Variants in LRP1B observed in about 807,000 individuals in gnomAD.
LRP1B encodes LDL receptor related protein 1B.
In LRP1B, 217 loss-of-function variants were observed where a neutral mutation model predicts 556.6. The ratio of observed to expected loss-of-function variants is 0.39; its 90% CI spans 0.35 to 0.44. The LOEUF is 0.44. Ranked by LOEUF, LRP1B falls within the 20% of genes least tolerant of loss-of-function variation. The pLI, the probability that LRP1B is intolerant of heterozygous loss-of-function variation, is 1.00. For missense variants in LRP1B, 5,053 were observed against 5,620.8 expected (o/e 0.90, Z 3.23); for synonymous variants, 2,047 against 1,865.8 (o/e 1.10, Z -2.50).
chr2:140,532,397 G>GT (rs869109898), intron 47 of LRP1B, among the ~76,000 whole-genome samples: 78 of 150,332 alleles, frequency 5.2e-4, no homozygotes, highest in African/African-American at 1.9e-3. Context: ...GTTTGTTTTG[G>GT]TTTTTTTGGG....
rs186797203 is a variant in LRP1B, at chr2:140,378,611, G to T, written c.10532-325C>A. Among the ~76,000 whole-genome samples the T allele has an allele frequency of 4.6e-5, 7 of 152,188 alleles. No individual in the cohort carries two copies. The East Asian group carries it at 1.4e-3, about 29-fold the overall frequency. ...ACTGTAACAATGATCTTTTTTAGTT[G>T]CTGGAGTTCTATGTCATTTTATGTA... On this transcript the variant is annotated intron_variant, in intron 67 of 90. Coordinates refer to ENST00000389484, the MANE Select transcript of LRP1B (RefSeq NM_018557.3).
intron 2 of LRP1B, among the ~76,000 whole-genome samples, chr2:141,494,534 G>A (rs1683447386): frequency 6.6e-6 from 1 of 151,722 alleles, no homozygotes; most frequent in Admixed American, 6.6e-5. Context: ...TTAGGCTGGT[G>A]TAAAAGTAAT....
intron 41 of LRP1B, among the ~76,000 whole-genome samples, chr2:140,637,405 G>A (rs970077560): frequency 6.6e-6 from 1 of 152,022 alleles, no homozygotes; most frequent in African/African-American, 2.4e-5. Flanking sequence ...GAGGTCTTGG[G>A]GTGTACATAA....
At chr2:141,927,514 C>T (rs952082431) in intron 1 of LRP1B, among the ~76,000 whole-genome samples, 1 of 152,056 alleles carries the variant, frequency 6.6e-6, no homozygotes, top group African/African-American at 2.4e-5. Context: ...ATTGATTTTG[C>T]TACTCATGAG....
At chr2:141,646,570 G>T (rs1228431687) in intron 2 of LRP1B, among the ~76,000 whole-genome samples, 1 of 152,038 alleles carries the variant, frequency 6.6e-6, no homozygotes, top group African/African-American at 2.4e-5. Flanking sequence ...TGCTCATTGG[G>T]TGTATAGCAA....
intron 1 of LRP1B, among the ~76,000 whole-genome samples, chr2:142,025,891 T>C (rs1032043265): frequency 6.6e-6 from 1 of 152,110 alleles, no homozygotes; most frequent in Non-Finnish European, 1.5e-5. Context: ...ATTACAATGA[T>C]AACAAGGATG....
intron 3 of LRP1B, among the ~76,000 whole-genome samples, chr2:141,289,275 G>A (rs913921116): frequency 2.0e-5 from 3 of 150,984 alleles, no homozygotes; most frequent in Non-Finnish European, 4.4e-5. Flanking sequence ...CCAGCTACTG[G>A]GGAGGCTGAG....
intron 7 of LRP1B, among the ~76,000 whole-genome samples, chr2:141,099,620 C>T (rs1700410670): frequency 1.3e-5 from 2 of 152,214 alleles, no homozygotes; most frequent in South Asian, 4.1e-4. Flanking sequence ...TCTACATGCA[C>T]ATATACACAT....
chr2:140,294,721 G>A (rs1384724148), intron 84 of LRP1B, among the ~76,000 whole-genome samples: 1 of 152,092 alleles, frequency 6.6e-6, no homozygotes, highest in Non-Finnish European at 1.5e-5. Context: ...TCATTTGCAT[G>A]GAATCATTTG....
chr2:140,377,614 T>A (rs1232031477), intron 68 of LRP1B, among the ~76,000 whole-genome samples: 1 of 152,224 alleles, frequency 6.6e-6, no homozygotes, highest in Admixed American at 6.5e-5. Flanking sequence ...GTATTATAAA[T>A]GTTAGCACAA....
chr2:141,171,931 G>T (rs1358572521), intron 7 of LRP1B, among the ~76,000 whole-genome samples: 1 of 152,020 alleles, frequency 6.6e-6, no homozygotes, highest in African/African-American at 2.4e-5. Flanking sequence ...CTTTCTCTCT[G>T]GCTGTCTCTT....
chr2:141,747,866 G>T (rs1226072143), intron 2 of LRP1B, among the ~76,000 whole-genome samples: 1 of 152,002 alleles, frequency 6.6e-6, no homozygotes, highest in Non-Finnish European at 1.5e-5. Context: ...CTAATTCAAG[G>T]CAAAGAGATT....
At chr2:141,391,628 G>A (rs1014845548) in intron 3 of LRP1B, among the ~76,000 whole-genome samples, 5 of 152,108 alleles carry the variant, frequency 3.3e-5, no homozygotes, top group African/African-American at 1.2e-4. Context: ...AAAAATATGA[G>A]ATGATCAGAT....
At chr2:141,761,127 G>A (rs1285025223) in intron 2 of LRP1B, among the ~76,000 whole-genome samples, 2 of 152,096 alleles carry the variant, frequency 1.3e-5, no homozygotes, top group African/African-American at 4.8e-5. Context: ...CTCATTGTTA[G>A]GAAACACTCT....
Position 141,413,487 on chromosome 2 carries a change from A to G in LRP1B, c.343+66909T>C, listed in dbSNP as rs529522304. ...TCCACTGTAGGGCCTCCAGAAAGGA[A>G]TGCAGCCCGGCCAACACCATCATAA... On this transcript the variant is annotated intron_variant, in intron 3 of 90. Transcript: ENST00000389484. Among the ~76,000 whole-genome samples, 6 of 152,326 alleles carry G rather than the reference A, an allele frequency of 3.9e-5. No homozygotes were observed. In the South Asian group the frequency reaches 1.2e-3, roughly 32 times the overall value.
intron 7 of LRP1B, among the ~76,000 whole-genome samples, chr2:141,127,989 A>C (rs557349614): frequency 4.6e-4 from 70 of 152,276 alleles, no homozygotes; most frequent in Admixed American, 1.6e-3. Flanking sequence ...GAAATTTTTA[A>C]ATTATTTATT....
chr2:141,121,122 T>A lies in LRP1B; in HGVS notation c.1014-58849A>T, dbSNP rs567300069. Among the ~76,000 whole-genome samples the A allele has an allele frequency of 5.3e-5, 8 of 152,144 alleles. No individual in the cohort carries two copies. In the South Asian group the frequency reaches 1.0e-3, roughly 20 times the overall value. On this transcript the variant is annotated intron_variant, in intron 7 of 90. Coordinates refer to ENST00000389484, the MANE Select transcript of LRP1B (RefSeq NM_018557.3). ...CTATGCGACACTGGCAAGTAATTAA[T>A]CTGTGTAAATCTCAGTTTCCTCATC...
At chr2:141,931,580 A>G (rs1350822349) in intron 1 of LRP1B, among the ~76,000 whole-genome samples, 1 of 152,022 alleles carries the variant, frequency 6.6e-6, no homozygotes, top group Non-Finnish European at 1.5e-5. Flanking sequence ...TATTAAAATT[A>G]CTTTAAATTT....
chr2:140,999,823 A>G (rs1379396538), intron 15 of LRP1B, among the ~76,000 whole-genome samples: 1 of 152,058 alleles, frequency 6.6e-6, no homozygotes, highest in Non-Finnish European at 1.5e-5. Context: ...TGGAGATACA[A>G]AAAAGGAGGG....
Sources: gnomAD v4.1 joint callset for allele counts (sites outside exome capture counted in the v4.1 genomes callset) on GRCh38, gnomAD v4.1.1 for gene constraint, MANE v1.5 for transcripts, NCBI Gene and HGNC (gene_info 2026-07-23, HGNC 2026-07-21) for gene names.